The following RNF150 variants were observed in gnomAD, a reference collection of about 807,000 sequenced individuals.
The protein encoded by RNF150 is ring finger protein 150.
RNF150 carries 24 observed loss-of-function variants against 39.3 expected under a neutral mutation model. The ratio of observed to expected loss-of-function variants is 0.61; its 90% CI spans 0.44 to 0.86. RNF150 has a LOEUF of 0.86. Ranked by LOEUF, RNF150 falls within the 40% of genes least tolerant of loss-of-function variation. The probability of loss-of-function intolerance (pLI) is 0.00; values close to 1 mark genes in which losing one functional copy is unlikely to be tolerated. For synonymous variants in RNF150, 255 were observed against 227.3 expected, an observed-to-expected ratio of 1.12 and a Z score of -1.10; for missense variants, 502 against 587.8, an observed-to-expected ratio of 0.85 and a Z score of 1.51.
In RNF150 at chr4:141,038,263, A is replaced by T. The variant is rs189842077; in HGVS notation, c.485-70390T>A. ...AGCTGGTGTGCACGCTACACCCCTCAGACTGCAACCTTGGGTAGTACCACT... is the reference window on the plus strand; with the variant it reads ...AGCTGGTGTGCACGCTACACCCCTCTGACTGCAACCTTGGGTAGTACCACT... On this transcript the variant is annotated intron_variant, in intron 1 of 6. Transcript: ENST00000515673. Among the ~76,000 whole-genome samples, 9 of 152,322 alleles carry T rather than the reference A, an allele frequency of 5.9e-5. No homozygotes were observed. The East Asian group carries it at 1.7e-3, about 29-fold the overall frequency.
In RNF150 at chr4:140,949,314, T is replaced by C; in HGVS notation, c.794A>G (p.Lys265Arg). ...GGCTGCTATTACCTTGTCACCCTTC[T>C]TGATGGTCCTGATCTGGAGTTTGCT... Reference protein sequence around the residue: ...AISKLQIRTIKKGDKETESDF... With the variant: ...AISKLQIRTIRKGDKETESDF... Residue 265 changes from lysine to arginine, a missense_variant, in exon 3 of 7, where the codon AAG (lysine) becomes AGG (arginine). Coordinates refer to ENST00000515673, the MANE Select transcript of RNF150 (RefSeq NM_020724.2). The C allele has an allele frequency of 3.7e-6, 6 of 1,612,136 alleles. No homozygotes were observed. Among genetic ancestry groups the C allele is most frequent in the Non-Finnish European group, 5.1e-6 (6 of 1,178,884 alleles).
At position 141,132,099 on chromosome 4, in the gene RNF150, T is replaced by C. The variant is rs1409369083; in HGVS notation, c.484+226A>G. ...CGTTGAACCCCTGTCCAAGCGGCGCTATGCCAAGCTCTCCGGCAGCCTCTC... is the reference window on the plus strand; with the variant it reads ...CGTTGAACCCCTGTCCAAGCGGCGCCATGCCAAGCTCTCCGGCAGCCTCTC... On this transcript the variant is annotated intron_variant, in intron 1 of 6. Coordinates refer to ENST00000515673, the MANE Select transcript of RNF150 (RefSeq NM_020724.2). The surrounding 1 kb of genome is among the most constrained non-coding windows in gnomAD (Gnocchi z 4.9). Among the ~76,000 whole-genome samples, 1 of 152,120 alleles carries C rather than the reference T, an allele frequency of 6.6e-6. No homozygotes were observed. The highest frequency in any genetic ancestry group is 2.4e-5 in the African/African-American group (1 of 41,430).
chr4:141,061,120 C>A (rs1006164973), intron 1 of RNF150, among the ~76,000 whole-genome samples: 5 of 151,092 alleles, frequency 3.3e-5, no homozygotes, highest in Admixed American at 6.6e-5. Context: ...ACATCTACCC[C>A]AGAAGTTAAA....
chr4:141,113,082 T>C (rs1434561262), intron 1 of RNF150, among the ~76,000 whole-genome samples: 1 of 152,100 alleles, frequency 6.6e-6, no homozygotes, highest in East Asian at 1.9e-4. Flanking sequence ...CATCAAGTCA[T>C]TTATGTTCTT....
At chr4:141,019,785 T>C (rs1340775833) in intron 1 of RNF150, among the ~76,000 whole-genome samples, 1 of 152,210 alleles carries the variant, frequency 6.6e-6, no homozygotes, top group Non-Finnish European at 1.5e-5. Flanking sequence ...GGCAGCAAGG[T>C]TATTTTTTTG....
chr4:141,198,551 A>G (rs530177157), intron 1 of RNF150, among the ~76,000 whole-genome samples: 6 of 152,364 alleles, frequency 3.9e-5, no homozygotes, highest in African/African-American at 1.4e-4. Flanking sequence ...AGCTTGAGAA[A>G]GTTGAATAAT....
At chr4:141,029,072 G>A (rs1041626668) in intron 1 of RNF150, among the ~76,000 whole-genome samples, 2 of 152,150 alleles carry the variant, frequency 1.3e-5, no homozygotes, top group Non-Finnish European at 2.9e-5. Context: ...TATTCTCACA[G>A]TCACCCAAGA....
chr4:141,053,722 G>A, intron 1 of RNF150: 3 of 1,411,062 alleles, frequency 2.1e-6, no homozygotes, highest in Non-Finnish European at 2.8e-6. Context: ...GGCATGAGAA[G>A]ACATTAAACC....
intron 1 of RNF150, among the ~76,000 whole-genome samples, chr4:141,198,950 A>G (rs993124546): frequency 6.6e-6 from 1 of 152,266 alleles, no homozygotes; most frequent in Admixed American, 6.5e-5. Context: ...ACAGACTGGA[A>G]GAAAATATTT....
intron 1 of RNF150, among the ~76,000 whole-genome samples, chr4:140,995,775 G>A (rs1324775167): frequency 6.6e-5 from 10 of 152,176 alleles, no homozygotes; most frequent in Admixed American, 2.6e-4. Flanking sequence ...ATGCTCTCCA[G>A]TTCCATCCAT....
At position 141,125,952 on chromosome 4, in the gene RNF150, G is replaced by T. The variant is rs542178411; in HGVS notation, c.484+6373C>A. Among the ~76,000 whole-genome samples, 13 of 152,198 alleles carry T rather than the reference G, an allele frequency of 8.5e-5. 1 individual carries two copies. The South Asian group carries it at 2.7e-3, about 32-fold the overall frequency. Reference sequence around the variant, plus strand: ...ACAAGTCATACAGTTTCTTGCCCGGGTCATCTTAAGCTACACTGCCAAGAA... The same window carrying T: ...ACAAGTCATACAGTTTCTTGCCCGGTTCATCTTAAGCTACACTGCCAAGAA... On this transcript the variant is annotated intron_variant, in intron 1 of 6. Transcript: ENST00000515673.
At chr4:141,173,462 T>C (rs558436316) in intron 1 of RNF150, among the ~76,000 whole-genome samples, 5 of 152,320 alleles carry the variant, frequency 3.3e-5, no homozygotes, top group Non-Finnish European at 7.3e-5. Flanking sequence ...AAGGTAGAGA[T>C]TTTTTGGTCC....
At chr4:141,072,184 C>A (rs1340054570) in intron 1 of RNF150, among the ~76,000 whole-genome samples, 1 of 152,164 alleles carries the variant, frequency 6.6e-6, no homozygotes. Flanking sequence ...CATGCAACAG[C>A]ATCACAAGAA....
chr4:141,143,742 C>G (rs1004299397), intron 1 of RNF150, among the ~76,000 whole-genome samples: 3 of 152,172 alleles, frequency 2.0e-5, no homozygotes, highest in Non-Finnish European at 4.4e-5. Flanking sequence ...TTCAGATCCT[C>G]ACATGCAACA....
At chr4:141,119,795 C>T (rs1253432648) in intron 1 of RNF150, among the ~76,000 whole-genome samples, 1 of 152,156 alleles carries the variant, frequency 6.6e-6, no homozygotes, top group Non-Finnish European at 1.5e-5. Context: ...TGGTAAGGGC[C>T]TAACAGGAGG....
At chr4:141,097,332 A>G (rs1738827761) in intron 1 of RNF150, among the ~76,000 whole-genome samples, 1 of 152,212 alleles carries the variant, frequency 6.6e-6, no homozygotes. Context: ...AATTTATTTC[A>G]GACTTCCAGC....
At position 141,167,969 on chromosome 4, in the gene RNF150, T is replaced by G. The variant is rs143040743; in HGVS notation, c.-6+44825A>C. Reference sequence around the variant, plus strand: ...GGATCTAATTAGACTAAAGAGCTTCTGCACAGTAAAAGAAATCATCATCAG... The same window carrying G: ...GGATCTAATTAGACTAAAGAGCTTCGGCACAGTAAAAGAAATCATCATCAG... On this transcript the variant is annotated intron_variant, in intron 1 of 7. Coordinates refer to the RNF150 transcript ENST00000420921. Among the ~76,000 whole-genome samples, 694 of 152,250 alleles carry G rather than the reference T, an allele frequency of 4.6e-3. 3 individuals carry two copies. The highest frequency in any genetic ancestry group is 0.016 in the African/African-American group (654 of 41,520).
At chr4:140,908,183 C>T (rs1730464255) in intron 6 of RNF150, among the ~76,000 whole-genome samples, 1 of 152,144 alleles carries the variant, frequency 6.6e-6, no homozygotes, top group Non-Finnish European at 1.5e-5. Context: ...CTCATTTAGT[C>T]ATGCATTTGT....
chr4:141,212,707 C>T (rs1728489851), intron 1 of RNF150: 1 of 152,272 alleles, frequency 6.6e-6, no homozygotes, highest in Admixed American at 6.5e-5. Flanking sequence ...GCCTCTGTCT[C>T]CAGCTGTTCT....
Sources: gnomAD v4.1 joint callset for allele counts (sites outside exome capture counted in the v4.1 genomes callset) on GRCh38, gnomAD v4.1.1 for gene constraint, Gnocchi (gnomAD v3.1) non-coding constraint, MANE v1.5 for transcripts, NCBI Gene and HGNC (gene_info 2026-07-23, HGNC 2026-07-21) for gene names.